The following CDC42BPB variants were observed in gnomAD, a reference collection of about 807,000 sequenced individuals.
CDC42BPB encodes the protein CDC42 binding protein kinase beta, also known as serine/threonine-protein kinase MRCK beta.
Under a neutral mutation model 214.9 loss-of-function variants are expected in CDC42BPB, and 37 were observed. The observed-to-expected ratio is 0.17, with a 90% CI of 0.13 to 0.23. The LOEUF (loss-of-function observed/expected upper bound fraction) is 0.23. CDC42BPB is among the 10% of genes least tolerant of loss of function. The pLI, the probability that CDC42BPB is intolerant of heterozygous loss-of-function variation, is 1.00. For missense variants in CDC42BPB, 1,694 were observed against 2,227.0 expected (o/e 0.76, Z 4.82); for synonymous variants, 931 against 884.0 (o/e 1.05, Z -0.94).
At position 102,972,081 on chromosome 14, in the gene CDC42BPB, C is replaced by A; in HGVS notation, c.1722G>T (p.Leu574=). 6.2e-7 allele frequency: 1 copy of A among 1,614,284 alleles called. No individual in the cohort carries two copies. Among genetic ancestry groups the A allele is most frequent in the Non-Finnish European group, 8.5e-7 (1 of 1,180,052 alleles). ...GCTCGTTCAGCTCCGAGAACTCCTG[C>A]AGGGCCAGCTTTCGCTGCTGATGGG... is the stretch of plus-strand genomic sequence containing the variant. ...KDAHQQRKLA[L]QEFSELNERM... Residue 574 remains leucine, a synonymous_variant, in exon 13 of 37, where the codon CTG becomes CTT. Transcript: ENST00000361246.
At chr14:102,974,439 G>A in intron 11 of CDC42BPB, 5 of 848,164 alleles carry the variant, frequency 5.9e-6, no homozygotes, top group Non-Finnish European at 7.1e-6. Flanking sequence ...ACACTCGTCT[G>A]CTCAGTCCCT....
intron 1 of CDC42BPB, among the ~76,000 whole-genome samples, chr14:103,026,957 A>G (rs1887091180): frequency 1.3e-5 from 2 of 152,196 alleles, no homozygotes. Context: ...TACATCCAGA[A>G]TACACAAAAA....
chr14:103,004,084 G>A lies in CDC42BPB; in HGVS notation c.352-61C>T. Reference sequence around the variant, plus strand: ...TGGGAAGCAGGCCAGAGAGCGTACTGCCGGTCTCGGGGTCCCTCCTGGGAC... The same window carrying A: ...TGGGAAGCAGGCCAGAGAGCGTACTACCGGTCTCGGGGTCCCTCCTGGGAC... On this transcript the variant is annotated intron_variant, in intron 3 of 36. Transcript: ENST00000361246. The surrounding 1 kb of genome is among the most constrained non-coding windows in gnomAD (Gnocchi z 5.3). 1 of 1,505,642 alleles carries A rather than the reference G, an allele frequency of 6.6e-7. No homozygotes were observed. Among genetic ancestry groups the A allele is most frequent in the Non-Finnish European group, 8.9e-7 (1 of 1,124,140 alleles). 93.3% of individuals were successfully genotyped at this position (1,505,642 alleles called of 1,614,324 possible).
At chr14:102,964,182 G>A (rs1893084038) in intron 19 of CDC42BPB, among the ~76,000 whole-genome samples, 1 of 152,232 alleles carries the variant, frequency 6.6e-6, no homozygotes, top group Non-Finnish European at 1.5e-5. Context: ...CAGTGAGAGG[G>A]GCTCCTGTCA....
chr14:103,056,514 G>A (rs1888961069), intron 1 of CDC42BPB, among the ~76,000 whole-genome samples: 1 of 151,942 alleles, frequency 6.6e-6, no homozygotes, highest in Non-Finnish European at 1.5e-5. Flanking sequence ...GAAGCGTGGG[G>A]TGGGGAAAGG....
chr14:103,052,777 A>C (rs75130808), intron 1 of CDC42BPB, among the ~76,000 whole-genome samples: 1 of 152,196 alleles, frequency 6.6e-6, no homozygotes, highest in Non-Finnish European at 1.5e-5. Context: ...TGACGGCCAC[A>C]CAGCAGCCAG....
chr14:103,018,435 C>T (rs574993290), intron 1 of CDC42BPB, among the ~76,000 whole-genome samples: 1 of 152,158 alleles, frequency 6.6e-6, no homozygotes, highest in Non-Finnish European at 1.5e-5. Flanking sequence ...GAGGGAGGGC[C>T]CACTGGATAC....
chr14:102,949,281 T>C (rs1463781718), intron 26 of CDC42BPB, among the ~76,000 whole-genome samples: 1 of 152,176 alleles, frequency 6.6e-6, no homozygotes, highest in Non-Finnish European at 1.5e-5. Context: ...CGCCTGCTCC[T>C]GCAGCTGACA....
intron 5 of CDC42BPB, 55 bp downstream of exon 5, chr14:102,999,505 TGAAAG>T (rs1259130363): frequency 6.4e-6 from 10 of 1,574,510 alleles, no homozygotes; most frequent in Non-Finnish European, 8.7e-6. Flanking sequence ...TTGGGAGCTC[TGAAAG>T]GAGTCTTTTA....
chr14:103,057,454 GC>G lies in CDC42BPB; in HGVS notation c.-282del. ...GGGCGGCCCGCCCCCGCCGCCCTCA[GC>G]CCCGCCCGCGGCCGCGCCCTCCCCG... On this transcript the variant is annotated 5_prime_UTR_variant, in exon 1 of 37. Transcript: ENST00000361246. The G allele has an allele frequency of 2.7e-6, 1 of 367,060 alleles. No homozygotes were observed. The highest frequency in any genetic ancestry group is 3.7e-6 in the Non-Finnish European group (1 of 267,130). The allele number at this position is 367,060 out of a possible 1,614,324, so 22.7% of individuals were successfully genotyped here. A position where few individuals can be genotyped will look rare whatever the true frequency, so the allele number is the denominator to read the frequency against.
intron 2 of CDC42BPB, among the ~76,000 whole-genome samples, chr14:103,011,458 C>T (rs1470124426): frequency 2.0e-5 from 3 of 152,190 alleles, no homozygotes; most frequent in East Asian, 1.9e-4. Context: ...GAAGGCTGGG[C>T]GTGGTGACTC....
chr14:102,945,815 C>T (rs1388826018), intron 28 of CDC42BPB, 91 bp from the exon 29 acceptor site: 2 of 1,083,904 alleles, frequency 1.8e-6, no homozygotes, highest in Non-Finnish European at 2.8e-6. Context: ...TTCACAGATA[C>T]TTTTCAACCA....
chr14:102,937,695 C>CT (rs1432817099), intron 36 of CDC42BPB, among the ~76,000 whole-genome samples: 3 of 152,268 alleles, frequency 2.0e-5, no homozygotes, highest in Non-Finnish European at 4.4e-5. Context: ...TCCCCACACT[C>CT]TGACACCAAG....
intron 36 of CDC42BPB, among the ~76,000 whole-genome samples, chr14:102,937,748 G>A (rs1288295172): frequency 2.0e-5 from 3 of 152,254 alleles, no homozygotes; most frequent in African/African-American, 7.2e-5. Context: ...CAATGTGGAA[G>A]GTCAGCCCAG....
chr14:102,999,448 C>G lies in CDC42BPB; in HGVS notation c.596+117G>C, dbSNP rs35863957. ...CAAATCAGTCTGTGCTGCGGCAGCT[C>G]AAAGTGGGGACTCGCTACCTACATG... On this transcript the variant is annotated intron_variant, in intron 5 of 36. Transcript: ENST00000361246. 2.7e-5 allele frequency: 26 copies of G among 952,190 alleles called. No individual in the cohort carries two copies. In the African/African-American group the frequency reaches 3.9e-4, roughly 14 times the overall value. The allele number at this position is 952,190 out of a possible 1,614,324, so 59.0% of individuals were successfully genotyped here.
chr14:103,022,130 C>T (rs1400219639), intron 1 of CDC42BPB, among the ~76,000 whole-genome samples: 6 of 151,950 alleles, frequency 3.9e-5, no homozygotes, highest in Non-Finnish European at 8.8e-5. Flanking sequence ...TGGGGGGCTT[C>T]GACATGAGGT....
In CDC42BPB at chr14:102,967,151, T is replaced by G; in HGVS notation, c.2366A>C (p.Lys789Thr). ...ENEKLCSFVD[K>T]LTAQNRQLED... is the part of the protein sequence containing the mutation. ...CAGCTGTCTATTTTGAGCTGTGAGT[T>G]TATCCACAAAGGAACAGAGCTGAAA... Residue 789 changes from lysine (K) to threonine (T), a missense_variant, in exon 17 of 37, where the codon AAA becomes ACA. This residue lies in a region of CDC42BPB where 462 missense variants were observed against 513.5 expected (regional missense o/e 0.90). Coordinates refer to ENST00000361246, the MANE Select transcript of CDC42BPB (RefSeq NM_006035.4). 5.0e-6 allele frequency: 8 copies of G among 1,614,108 alleles called. No homozygotes were observed. Among genetic ancestry groups the G allele is most frequent in the Non-Finnish European group, 6.8e-6 (8 of 1,179,910 alleles).
chr14:103,056,898 G>T, intron 1 of CDC42BPB, 101 bp downstream of exon 1: 2 of 829,060 alleles, frequency 2.4e-6, no homozygotes, highest in Non-Finnish European at 3.4e-6. Flanking sequence ...GCAGGAGGGC[G>T]GCAGGGTCTG....
Position 102,952,597 on chromosome 14 carries a change from CT to C in CDC42BPB, c.3072del (p.Ala1025LeufsTer21). The C allele has an allele frequency of 6.2e-7, 1 of 1,613,612 alleles. No individual in the cohort carries two copies. The highest frequency in any genetic ancestry group is 8.5e-7 in the Non-Finnish European group (1 of 1,179,702). ...QALALAGPKP[K>X]AHQFSIKSFS... is the part of the protein sequence containing the mutation. ...AAGGACTTGATGCTGAACTGGTGAG[CT>C]TTTGGCTGGAAGGAGAAAATCAAGA... On this transcript the variant is annotated frameshift_variant, in exon 24 of 37. Transcript: ENST00000361246. LOFTEE classifies it high-confidence loss of function.
Sources: gnomAD v4.1 joint callset for allele counts (sites outside exome capture counted in the v4.1 genomes callset) on GRCh38, gnomAD v4.1.1 for gene constraint, gnomAD v4.1.1 regional missense constraint, Gnocchi (gnomAD v3.1) non-coding constraint, MANE v1.5 for transcripts, NCBI Gene and HGNC (gene_info 2026-07-23, HGNC 2026-07-21) for gene names.